Variants in MRPL48 observed in about 807,000 individuals in gnomAD.
MRPL48 encodes large ribosomal subunit protein mL48.
MRPL48 carries 16 observed loss-of-function variants against 32.9 expected under a neutral mutation model. The ratio of observed to expected loss-of-function variants is 0.49; its 90% confidence interval spans 0.33 to 0.74. The LOEUF (loss-of-function observed/expected upper bound fraction) is 0.74. MRPL48 is among the 30% of genes least tolerant of loss of function. The probability of loss-of-function intolerance (pLI) is 0.02; values close to 1 mark genes in which losing one functional copy is unlikely to be tolerated. For synonymous variants in MRPL48, 94 were observed against 89.2 expected (o/e 1.05, Z -0.31); for missense variants, 206 against 245.3 (o/e 0.84, Z 1.07).
intron 3 of MRPL48, among the ~76,000 whole-genome samples, chr11:73,810,137 AC>A (rs778797028): frequency 1.3e-5 from 2 of 152,198 alleles, no homozygotes; most frequent in Non-Finnish European, 2.9e-5. Flanking sequence ...TTTAGATTCA[AC>A]TTTTGTTAAC....
At chr11:73,835,821 T>G (rs1222933536) in intron 4 of MRPL48, among the ~76,000 whole-genome samples, 1 of 152,058 alleles carries the variant, frequency 6.6e-6, no homozygotes, top group Non-Finnish European at 1.5e-5. Flanking sequence ...TTGCTTCAAC[T>G]CTGGAGGTGA....
chr11:73,824,290 T>A (rs188366533), intron 3 of MRPL48, among the ~76,000 whole-genome samples: 15 of 152,274 alleles, frequency 9.9e-5, no homozygotes, highest in African/African-American at 2.4e-4. Context: ...TCAAGTTAGA[T>A]GTTTTGTAAA....
chr11:73,812,926 T>G, intron 3 of MRPL48, among the ~76,000 whole-genome samples: 1 of 150,268 alleles, frequency 6.7e-6, no homozygotes. Flanking sequence ...ATTTTTGTAT[T>G]TATTAGTAGA....
rs190316219 is a variant in MRPL48 at position 73,813,610 on chromosome 11, C to A, written c.112+5260C>A. ...TACATATGCTTGTACTTTTTCTAGT[C>A]ATTTATCCCTTGACTTTATGTTTGT... On this transcript the variant is annotated intron_variant, in intron 3 of 7. Coordinates refer to ENST00000310614, the MANE Select transcript of MRPL48 (RefSeq NM_016055.6). 1.9e-3 allele frequency among the ~76,000 whole-genome samples: 287 copies of A among 152,180 alleles called. 1 individual carries two copies. Among genetic ancestry groups the A allele is most frequent in the Non-Finnish European group, 3.3e-3 (223 of 68,006 alleles).
chr11:73,851,918 T>TACACACACACACAC, intron 5 of MRPL48, among the ~76,000 whole-genome samples: 1 of 149,384 alleles, frequency 6.7e-6, no homozygotes. Context: ...TCAGGGAACG[T>TACACACACACACAC]ACACACACAC....
At chr11:73,798,665 C>T (rs555983430) in intron 1 of MRPL48, among the ~76,000 whole-genome samples, 40 of 152,082 alleles carry the variant, frequency 2.6e-4, no homozygotes, top group African/African-American at 9.2e-4. Context: ...TCATTATAGA[C>T]AGAGAGGCTA....
chr11:73,808,331 GA>G lies in MRPL48; in HGVS notation c.95del (p.Lys32SerfsTer6). The G allele has an allele frequency of 6.2e-7, 1 of 1,608,702 alleles. No individual in the cohort carries two copies. The highest frequency in any genetic ancestry group is 8.5e-7 in the Non-Finnish European group (1 of 1,177,022). ...SLLRFRTSGE[K>X]PIYSVGGILL... ...CTTTTAGGTTTAGAACTTCAGGAGA[GA>G]AGCCCATCTATTCTGTAGGTAAGCA... On this transcript the variant is annotated frameshift_variant, in exon 3 of 8. Transcript: ENST00000310614. LOFTEE classifies it high-confidence loss of function.
At chr11:73,836,491 G>A (rs1948107091) in intron 4 of MRPL48, among the ~76,000 whole-genome samples, 2 of 152,102 alleles carry the variant, frequency 1.3e-5, no homozygotes, top group African/African-American at 2.4e-5. Flanking sequence ...GAGCCACCGT[G>A]CCCTTCCAAA....
At chr11:73,798,818 C>T (rs912305835) in intron 1 of MRPL48, among the ~76,000 whole-genome samples, 3 of 151,704 alleles carry the variant, frequency 2.0e-5, no homozygotes, top group African/African-American at 7.3e-5. Context: ...AGTGAAATCA[C>T]GTCTCTACTA....
intron 1 of MRPL48, among the ~76,000 whole-genome samples, chr11:73,796,078 C>T (rs1269557663): frequency 1.3e-5 from 2 of 152,228 alleles, no homozygotes; most frequent in Non-Finnish European, 2.9e-5. Context: ...AGCAGGGAGG[C>T]GTGGCCAGAG....
intron 7 of MRPL48, among the ~76,000 whole-genome samples, chr11:73,864,094 C>T (rs1275541714): frequency 6.6e-6 from 1 of 152,120 alleles, no homozygotes; most frequent in Admixed American, 6.6e-5. Flanking sequence ...TATAAGTTCA[C>T]TGAAAGCAAG....
chr11:73,847,858 T>G lies in MRPL48; in HGVS notation c.371+2882T>G, dbSNP rs568493830. On this transcript the variant is annotated intron_variant, in intron 5 of 7. Coordinates refer to ENST00000310614, the MANE Select transcript of MRPL48 (RefSeq NM_016055.6). ...ACCTCCCAAAGTGCTGGGATTACAGTTGTGAGTCACTGCACCTGGCCACCA... is the reference window on the plus strand; with the variant it reads ...ACCTCCCAAAGTGCTGGGATTACAGGTGTGAGTCACTGCACCTGGCCACCA... Among the ~76,000 whole-genome samples the G allele has an allele frequency of 6.4e-4, 97 of 152,166 alleles. 1 individual carries two copies. Among genetic ancestry groups the G allele is most frequent in the African/African-American group, 2.3e-3 (94 of 41,538 alleles).
intron 4 of MRPL48, among the ~76,000 whole-genome samples, chr11:73,835,140 CTT>C (rs35448499): frequency 3.7e-5 from 4 of 108,490 alleles, no homozygotes; most frequent in African/African-American, 3.8e-5. Context: ...GCCATGTTGT[CTT>C]TTTTTTTTTT....
chr11:73,809,245 C>T (rs978055063), intron 3 of MRPL48, among the ~76,000 whole-genome samples: 2 of 142,366 alleles, frequency 1.4e-5, no homozygotes, highest in African/African-American at 2.7e-5. Context: ...AGGTGCCTCA[C>T]GCCTGTAATC....
intron 5 of MRPL48, among the ~76,000 whole-genome samples, chr11:73,852,284 G>A (rs536648487): frequency 1.5e-4 from 23 of 150,756 alleles, no homozygotes; most frequent in African/African-American, 5.4e-4. Flanking sequence ...AATAATATGT[G>A]GTTAAGAGTA....
chr11:73,813,014 G>A (rs12279793), intron 3 of MRPL48, among the ~76,000 whole-genome samples: 24 of 151,634 alleles, frequency 1.6e-4, no homozygotes, highest in Non-Finnish European at 3.1e-4. Flanking sequence ...GTCTCCCATA[G>A]TGCTAAGATT....
chr11:73,806,694 A>G (rs911986168), intron 2 of MRPL48, among the ~76,000 whole-genome samples: 6 of 152,188 alleles, frequency 3.9e-5, no homozygotes, highest in Non-Finnish European at 2.9e-5. Flanking sequence ...ATTGACCTTC[A>G]TAGTGACCTG....
chr11:73,855,618 G>A (rs868002773), intron 5 of MRPL48, among the ~76,000 whole-genome samples: 50 of 152,088 alleles, frequency 3.3e-4, no homozygotes, highest in African/African-American at 1.1e-3. Flanking sequence ...CTCCCGAGTA[G>A]CTGGGATTAC....
At chr11:73,849,702 C>T (rs12793053) in intron 5 of MRPL48, among the ~76,000 whole-genome samples, 4,506 of 152,146 alleles carry the variant, frequency 0.03, 103 homozygotes, top group Non-Finnish European at 0.046. Flanking sequence ...ATGAATAAAA[C>T]CACTATAAAT....
Sources: allele counts gnomAD v4.1 joint callset (sites outside exome capture counted in the v4.1 genomes callset), GRCh38; gene constraint gnomAD v4.1.1; transcripts MANE v1.5; gene names NCBI Gene and HGNC (gene_info 2026-07-23, HGNC 2026-07-21).